Variants in ECHDC2 observed in about 807,000 individuals in gnomAD.
The protein encoded by ECHDC2 is enoyl-CoA hydratase domain-containing protein 2, mitochondrial.
ECHDC2 carries 34 observed loss-of-function variants against 40.6 expected under a neutral mutation model. The observed-to-expected ratio is 0.84, with a 90% confidence interval of 0.64 to 1.11. ECHDC2 has a LOEUF of 1.11. Ranked by LOEUF, ECHDC2 falls within the 50% of genes most tolerant of loss-of-function variation. The pLI is 0.00. For synonymous variants in ECHDC2, 162 were observed against 166.6 expected, an observed-to-expected ratio of 0.97 and a Z score of 0.21; for missense variants, 392 against 400.7, an observed-to-expected ratio of 0.98 and a Z score of 0.19.
chr1:52,902,042 CAA>C (rs1400841067), intron 7 of ECHDC2: 6 of 150,430 alleles, frequency 4.0e-5, no homozygotes, highest in African/African-American at 1.2e-4. Flanking sequence ...AAAAAAAAGA[CAA>C]ATGCTTTCAA....
chr1:52,896,692 T>C, intron 9 of ECHDC2, 95 bp from the exon 10 acceptor site: 1 of 965,260 alleles, frequency 1.0e-6, no homozygotes, highest in South Asian at 1.3e-5. Flanking sequence ...AAGGCCAGGG[T>C]CCAAGTGTTT....
chr1:52,910,597 G>A (rs1010270264), intron 3 of ECHDC2, among the ~76,000 whole-genome samples: 5 of 151,884 alleles, frequency 3.3e-5, no homozygotes, highest in Non-Finnish European at 7.4e-5. Context: ...TCGAACTCCT[G>A]ACCTCAGGTG....
Position 52,907,847 on chromosome 1 carries a change from AC to A in ECHDC2, c.364+20del. 1 of 1,470,434 alleles carries A rather than the reference AC, an allele frequency of 6.8e-7. No homozygotes were observed. Among genetic ancestry groups the A allele is most frequent in the Non-Finnish European group, 9.4e-7 (1 of 1,062,848 alleles). The allele number at this position is 1,470,434 out of a possible 1,614,324, so 91.1% of individuals were successfully genotyped here. Reference sequence around the variant, plus strand: ...CAGGGACCCCCAAACCCCCTCCTCCACCCCACACCCAGATCCTCACCGATGT... The same window carrying A: ...CAGGGACCCCCAAACCCCCTCCTCCACCCACACCCAGATCCTCACCGATGT... On this transcript the variant is annotated intron_variant, in intron 4 of 9. Coordinates refer to ENST00000371522, the MANE Select transcript of ECHDC2 (RefSeq NM_001198961.2).
rs1651951490 is a variant in ECHDC2, at chr1:52,921,719, T to C, written c.-46A>G. ...AAGGTGCTTCTCCGGCCCTGCACCGTCTCGGCTCCCGCTGAGAGCTCGCAG... is the reference window on the plus strand; with the variant it reads ...AAGGTGCTTCTCCGGCCCTGCACCGCCTCGGCTCCCGCTGAGAGCTCGCAG... On this transcript the variant is annotated 5_prime_UTR_variant, in exon 1 of 10. Transcript: ENST00000371522. 1 of 1,435,762 alleles carries C rather than the reference T, an allele frequency of 7.0e-7. No individual in the cohort carries two copies. Among genetic ancestry groups the C allele is most frequent in the Middle Eastern group, 2.6e-4 (1 of 3,906 alleles). 88.9% of individuals were successfully genotyped at this position (1,435,762 alleles called of 1,614,324 possible).
rs566778374 is a variant in ECHDC2 at position 52,911,711 on chromosome 1, G to A, written c.189+12C>T. On this transcript the variant is annotated intron_variant, in intron 2 of 9. Transcript: ENST00000371522. The stretch of plus-strand genomic sequence containing the variant: ...CCATCCCCAGCCCACCCTGGCGCCC[G>A]CCCTTTCTTACCTCACTGACGAAGA... 3.4e-5 allele frequency: 48 copies of A among 1,421,412 alleles called. No individual in the cohort carries two copies. The African/African-American group carries it at 5.5e-4, about 16-fold the overall frequency. The allele number at this position is 1,421,412 out of a possible 1,614,324, so 88.0% of individuals were successfully genotyped here. A position where few individuals can be genotyped will look rare whatever the true frequency, so the allele number is the denominator to read the frequency against.
intron 1 of ECHDC2, among the ~76,000 whole-genome samples, chr1:52,916,398 C>A (rs1426299218): frequency 6.6e-6 from 1 of 152,184 alleles, no homozygotes; most frequent in African/African-American, 2.4e-5. Flanking sequence ...TCAACTCTTA[C>A]AAGCCCTTAG....
chr1:52,902,803 G>GT (rs370248831), intron 7 of ECHDC2, among the ~76,000 whole-genome samples: 12 of 150,248 alleles, frequency 8.0e-5, no homozygotes, highest in South Asian at 2.1e-4. Flanking sequence ...TACCGGTGTT[G>GT]TTTTTTTTTC....
At chr1:52,901,020 T>C (rs936093848) in intron 7 of ECHDC2, 2 of 152,030 alleles carry the variant, frequency 1.3e-5, no homozygotes, top group African/African-American at 2.4e-5. Context: ...TAGCTGGGCG[T>C]GGTGACTTGC....
rs869088329 is a variant in ECHDC2, at chr1:52,910,352, G to GTTTTT, written c.277+1209_277+1213dup. Among the ~76,000 whole-genome samples, 127 of 32,090 alleles carry GTTTTT rather than the reference G, an allele frequency of 4.0e-3. 46 individuals carry two copies. Among genetic ancestry groups the GTTTTT allele is most frequent in the East Asian group, 0.016 (19 of 1,176 alleles). 21.1% of individuals were successfully genotyped at this position (32,090 alleles called of 152,430 possible). On this transcript the variant is annotated intron_variant, in intron 3 of 9. Coordinates refer to ENST00000371522, the MANE Select transcript of ECHDC2 (RefSeq NM_001198961.2). ...GTTACTTATATTTCACCACAATTTC[G>GTTTTT]TTTTTTTTTTTTTTTTTTTTTTTTT...
At chr1:52,911,120 G>T (rs565347203) in intron 3 of ECHDC2, among the ~76,000 whole-genome samples, 1 of 152,246 alleles carries the variant, frequency 6.6e-6, no homozygotes, top group Admixed American at 6.5e-5. Flanking sequence ...GGGACTACAG[G>T]TGCCTGCCAC....
intron 4 of ECHDC2, 49 bp downstream of exon 4, chr1:52,907,819 C>T (rs1474247018): frequency 7.3e-6 from 11 of 1,507,862 alleles, no homozygotes; most frequent in African/African-American, 4.1e-5. Flanking sequence ...GGACTGTCAT[C>T]GGCAGGGACC....
chr1:52,904,843 T>A lies in ECHDC2; in HGVS notation c.515-10A>T. The A allele has an allele frequency of 6.2e-7, 1 of 1,609,132 alleles. No individual in the cohort carries two copies. On this transcript the variant is annotated splice_polypyrimidine_tract_variant and intron_variant, in intron 6 of 9. Coordinates refer to ENST00000371522, the MANE Select transcript of ECHDC2 (RefSeq NM_001198961.2). Reference sequence around the variant, plus strand: ...AGCCTCTGAGTCCCTCCTACCAGGATGGAGGGAGCAGGGTGGGAATCAGCA... The same window carrying A: ...AGCCTCTGAGTCCCTCCTACCAGGAAGGAGGGAGCAGGGTGGGAATCAGCA...
chr1:52,896,503 G>A lies in ECHDC2; in HGVS notation c.*17C>T, dbSNP rs987556727. ...CTTCAGGGCATGCATCTCCCATGCT[G>A]AAGGTTAAAATGGGGGTCATTTGCC... On this transcript the variant is annotated 3_prime_UTR_variant, in exon 10 of 10. Transcript: ENST00000371522. 4 of 1,607,740 alleles carry A rather than the reference G, an allele frequency of 2.5e-6. No homozygotes were observed. Among genetic ancestry groups the A allele is most frequent in the Admixed American group, 1.7e-5 (1 of 60,002 alleles).
At chr1:52,913,347 T>C (rs1649979049) in intron 1 of ECHDC2, 1 of 152,204 alleles carries the variant, frequency 6.6e-6, no homozygotes, top group Non-Finnish European at 1.5e-5. Flanking sequence ...TCTTGGTAGT[T>C]TTCTATACTC....
intron 6 of ECHDC2, 73 bp from the exon 7 acceptor site, chr1:52,904,906 T>G: frequency 6.3e-7 from 1 of 1,595,666 alleles, no homozygotes; most frequent in Non-Finnish European, 8.6e-7. Context: ...AGCCTGGGAC[T>G]CAGCCAAGAC....
intron 1 of ECHDC2, chr1:52,913,974 A>G: frequency 1.7e-6 from 2 of 1,196,112 alleles, no homozygotes; most frequent in Non-Finnish European, 2.1e-6. Context: ...CTTAAGGCCA[A>G]TCAGATTCTC....
At chr1:52,915,329 A>C (rs1650448498) in intron 1 of ECHDC2, 1 of 455,890 alleles carries the variant, frequency 2.2e-6, no homozygotes. Flanking sequence ...TGGCATTCTC[A>C]GTTTAAGCTG....
intron 3 of ECHDC2, among the ~76,000 whole-genome samples, chr1:52,910,247 T>C (rs1166593448): frequency 6.6e-6 from 1 of 151,020 alleles, no homozygotes; most frequent in African/African-American, 2.4e-5. Context: ...TGGATAGCGG[T>C]GACATTGCAC....
In ECHDC2 at chr1:52,911,918, C is replaced by G. The variant is rs1280469766; in HGVS notation, c.122-128G>C. On this transcript the variant is annotated intron_variant, in intron 1 of 9. Coordinates refer to ENST00000371522, the MANE Select transcript of ECHDC2 (RefSeq NM_001198961.2). ...TGCCCTAGATGACCAGAGTGACTTG[C>G]CACAAGTCACACACTCAGGCAGGCC... 21 of 1,486,818 alleles carry G rather than the reference C, an allele frequency of 1.4e-5. No homozygotes were observed. In the East Asian group the frequency reaches 5.2e-4, roughly 37 times the overall value. 92.1% of individuals were successfully genotyped at this position (1,486,818 alleles called of 1,614,324 possible).
Sources: allele counts gnomAD v4.1 joint callset (sites outside exome capture counted in the v4.1 genomes callset), GRCh38; gene constraint gnomAD v4.1.1; transcripts MANE v1.5; gene names NCBI Gene and HGNC (gene_info 2026-07-23, HGNC 2026-07-21).